The following PCDH9 variants were observed in gnomAD, a reference collection of about 807,000 sequenced individuals.
PCDH9 encodes protocadherin 9, also known as protocadherin-9.
Under a neutral mutation model 70.6 loss-of-function variants are expected in PCDH9, and 24 were observed. That is an observed-to-expected ratio of 0.34 (90% CI 0.25 to 0.48). PCDH9 has a LOEUF of 0.48. PCDH9 is among the 20% of genes least tolerant of loss of function. PCDH9 has a pLI of 0.99. For missense variants in PCDH9, 1,281 were observed against 1,503.6 expected (o/e 0.85, Z 2.45); for synonymous variants, 562 against 558.5 (o/e 1.01, Z -0.09).
At chr13:66,509,594 T>C (rs1479266612) in intron 4 of PCDH9, among the ~76,000 whole-genome samples, 1 of 152,142 alleles carries the variant, frequency 6.6e-6, no homozygotes, top group Non-Finnish European at 1.5e-5. Context: ...CTCTCTACTC[T>C]ATTGCAATAG....
chr13:66,729,690 G>C (rs769012001), intron 3 of PCDH9, among the ~76,000 whole-genome samples: 2 of 152,090 alleles, frequency 1.3e-5, no homozygotes, highest in Non-Finnish European at 2.9e-5. Flanking sequence ...CTCCTTCTGT[G>C]TGAGAAAACT....
At chr13:66,422,451 C>T (rs1310828842) in intron 4 of PCDH9, among the ~76,000 whole-genome samples, 1 of 152,168 alleles carries the variant, frequency 6.6e-6, no homozygotes, top group Non-Finnish European at 1.5e-5. Flanking sequence ...GAAATCATAA[C>T]AGTCTCTCAG....
chr13:66,991,638 A>C (rs1309521962), intron 2 of PCDH9, among the ~76,000 whole-genome samples: 1 of 152,108 alleles, frequency 6.6e-6, no homozygotes, highest in Non-Finnish European at 1.5e-5. Context: ...TTTTCACCTG[A>C]ACTCAAGTCT....
At chr13:67,003,491 C>T (rs939726123) in intron 2 of PCDH9, among the ~76,000 whole-genome samples, 1 of 148,236 alleles carries the variant, frequency 6.7e-6, no homozygotes, top group Admixed American at 6.7e-5. Context: ...TCGCATTTCA[C>T]TCTTTTATTC....
chr13:66,625,928 T>G (rs766717216), intron 4 of PCDH9, among the ~76,000 whole-genome samples: 7 of 152,136 alleles, frequency 4.6e-5, no homozygotes, highest in Non-Finnish European at 7.3e-5. Context: ...CCTCCCAAAG[T>G]GCTGTGATTA....
At chr13:66,430,559 C>A (rs765469995) in intron 4 of PCDH9, among the ~76,000 whole-genome samples, 1 of 151,994 alleles carries the variant, frequency 6.6e-6, no homozygotes, top group Non-Finnish European at 1.5e-5. Flanking sequence ...CAAGTAGCAA[C>A]CAGGTGTTGG....
intron 3 of PCDH9, among the ~76,000 whole-genome samples, chr13:66,686,201 T>C (rs925546296): frequency 1.3e-5 from 2 of 152,148 alleles, no homozygotes; most frequent in African/African-American, 4.8e-5. Context: ...TGGGAGGTAA[T>C]TGAATAATGG....
At chr13:66,909,663 G>A (rs1332913835) in intron 2 of PCDH9, among the ~76,000 whole-genome samples, 1 of 152,092 alleles carries the variant, frequency 6.6e-6, no homozygotes. Flanking sequence ...CAGCTACTAG[G>A]GAGGCTGAGG....
chr13:66,475,959 T>C (rs1040762836), intron 4 of PCDH9, among the ~76,000 whole-genome samples: 1 of 152,086 alleles, frequency 6.6e-6, no homozygotes, highest in Non-Finnish European at 1.5e-5. Flanking sequence ...GACTTTATCT[T>C]TTGTTGTTCT....
chr13:66,699,036 T>C (rs1341950899), intron 3 of PCDH9, among the ~76,000 whole-genome samples: 1 of 150,222 alleles, frequency 6.7e-6, no homozygotes, highest in East Asian at 2.0e-4. Context: ...CACCTCAGCC[T>C]CCGGAGTAGC....
At chr13:67,166,659 T>C (rs773949991) in intron 2 of PCDH9, among the ~76,000 whole-genome samples, 13 of 152,190 alleles carry the variant, frequency 8.5e-5, no homozygotes, top group Non-Finnish European at 1.6e-4. Flanking sequence ...TTTGAGTTTT[T>C]TATTGTTTTG....
chr13:67,133,165 A>G (rs1469132455), intron 2 of PCDH9, among the ~76,000 whole-genome samples: 1 of 152,100 alleles, frequency 6.6e-6, no homozygotes, highest in East Asian at 1.9e-4. Flanking sequence ...TTCAAAACAT[A>G]AAATATAAAA....
intron 4 of PCDH9, among the ~76,000 whole-genome samples, chr13:66,418,137 T>C (rs1957494202): frequency 6.6e-6 from 1 of 152,238 alleles, no homozygotes. Context: ...TTTATGGTTT[T>C]AGGCCTCACA....
chr13:66,936,039 C>T (rs796150876), intron 2 of PCDH9, among the ~76,000 whole-genome samples: 3 of 152,124 alleles, frequency 2.0e-5, no homozygotes, highest in African/African-American at 7.2e-5. Flanking sequence ...GAGCTGAGAT[C>T]GCACCACTGC....
At chr13:66,469,183 C>T (rs1432064761) in intron 4 of PCDH9, among the ~76,000 whole-genome samples, 2 of 152,204 alleles carry the variant, frequency 1.3e-5, no homozygotes, top group East Asian at 1.9e-4. Context: ...CGTATTCCTT[C>T]AGAGCTGCTT....
chr13:66,390,893 G>C (rs761734763), intron 4 of PCDH9, among the ~76,000 whole-genome samples: 1 of 152,146 alleles, frequency 6.6e-6, no homozygotes, highest in Non-Finnish European at 1.5e-5. Context: ...CGTTGATATA[G>C]AGTAGAGCAT....
At chr13:67,147,671 G>T (rs1370093528) in intron 2 of PCDH9, among the ~76,000 whole-genome samples, 1 of 152,166 alleles carries the variant, frequency 6.6e-6, no homozygotes, top group Non-Finnish European at 1.5e-5. Context: ...CAGGGAATTT[G>T]GGGACTGTCT....
intron 3 of PCDH9, among the ~76,000 whole-genome samples, chr13:66,796,354 C>A (rs1476395084): frequency 2.6e-5 from 4 of 152,108 alleles, no homozygotes; most frequent in Admixed American, 1.3e-4. Context: ...TACCATGGAA[C>A]AACATGTCAA....
intron 4 of PCDH9, among the ~76,000 whole-genome samples, chr13:66,541,271 T>C (rs1292477975): frequency 1.3e-5 from 2 of 152,188 alleles, no homozygotes; most frequent in African/African-American, 4.8e-5. Flanking sequence ...TGTGGAAGTG[T>C]CATTGTTCTT....
Sources: gnomAD v4.1 joint callset for allele counts (sites outside exome capture counted in the v4.1 genomes callset) on GRCh38, gnomAD v4.1.1 for gene constraint, MANE v1.5 for transcripts, NCBI Gene and HGNC (gene_info 2026-07-23, HGNC 2026-07-21) for gene names.